Variants in LRP6 observed in about 807,000 individuals in gnomAD.
The protein encoded by LRP6 is low-density lipoprotein receptor-related protein 6.
A neutral mutation model predicts 184.1 loss-of-function variants in LRP6; 43 were observed. The ratio of observed to expected loss-of-function variants is 0.23; its 90% confidence interval spans 0.18 to 0.30. The LOEUF (loss-of-function observed/expected upper bound fraction) is 0.30, where lower values mean the gene tolerates loss of function less well. LRP6 is among the 10% of genes least tolerant of loss of function. The pLI is 1.00. For synonymous variants in LRP6, 719 were observed against 684.9 expected (o/e 1.05, Z -0.78); for missense variants, 1,571 against 2,005.3 (o/e 0.78, Z 4.14).
At chr12:12,191,462 C>T (rs906175819) in intron 3 of LRP6, among the ~76,000 whole-genome samples, 1 of 152,182 alleles carries the variant, frequency 6.6e-6, no homozygotes, top group African/African-American at 2.4e-5. Context: ...AACTTATGAA[C>T]TCTGCCTTCT....
intron 6 of LRP6, 79 bp from the exon 7 acceptor site, chr12:12,180,060 C>A (rs1863304670): frequency 1.7e-6 from 2 of 1,162,484 alleles, no homozygotes; most frequent in African/African-American, 1.5e-5. Context: ...GAGATCCATC[C>A]CTCCTATTAC....
intron 2 of LRP6, among the ~76,000 whole-genome samples, chr12:12,211,510 C>T (rs191304483): frequency 2.8e-4 from 42 of 152,284 alleles, no homozygotes; most frequent in Admixed American, 2.4e-3. Flanking sequence ...AGTTCAAATA[C>T]GGACGAACTG....
intron 5 of LRP6, 73 bp from the exon 6 acceptor site, chr12:12,181,512 C>A: frequency 1.2e-6 from 1 of 811,942 alleles, no homozygotes; most frequent in South Asian, 1.4e-5. Context: ...GATAAAGAAT[C>A]AAGAACTGAA....
Position 12,179,925 on chromosome 12 carries a change from T to C in LRP6, c.1430A>G (p.Asp477Gly), listed in dbSNP as rs1289994182. The change falls in exon 7 of 23, where the codon GAT becomes GGT. Residue 477 changes from aspartate (D) to glycine (G), a missense_variant. This residue lies in a region of LRP6 where 640 missense variants were observed against 851.9 expected (regional missense o/e 0.75). Transcript: ENST00000261349. ...EIPKIERAALDGSDRVVLVNT... is the reference protein window; with the variant it reads ...EIPKIERAALGGSDRVVLVNT... ...AACCAATACTACACGGTCAGAACCA[T>C]CCAGAGCTGCTCGCTCAATTTTCGG... 6.2e-7 allele frequency: 1 copy of C among 1,613,818 alleles called. No individual in the cohort carries two copies. Among genetic ancestry groups the C allele is most frequent in the East Asian group, 2.2e-5 (1 of 44,882 alleles).
chr12:12,144,726 T>G (rs1392346092), intron 15 of LRP6, among the ~76,000 whole-genome samples: 1 of 144,680 alleles, frequency 6.9e-6, no homozygotes, highest in Non-Finnish European at 1.5e-5. Context: ...TGGAATACTA[T>G]GCAACCATAA....
chr12:12,137,418 T>C (rs1310939601), intron 16 of LRP6, among the ~76,000 whole-genome samples: 3 of 151,922 alleles, frequency 2.0e-5, no homozygotes, highest in Non-Finnish European at 4.4e-5. Context: ...AATAAGAAAA[T>C]ATTTCTGGCT....
chr12:12,231,155 T>C (rs1270981282), intron 2 of LRP6, among the ~76,000 whole-genome samples: 2 of 114,576 alleles, frequency 1.7e-5, no homozygotes, highest in Non-Finnish European at 3.2e-5. Context: ...CACTCTAGCC[T>C]GGATGACAGA....
chr12:12,180,691 T>C (rs886419169), intron 6 of LRP6, among the ~76,000 whole-genome samples: 4 of 152,142 alleles, frequency 2.6e-5, no homozygotes, highest in African/African-American at 9.7e-5. Context: ...TACTATAAAG[T>C]ACTGAAAATG....
At chr12:12,252,614 A>G (rs1298737161) in intron 1 of LRP6, among the ~76,000 whole-genome samples, 1 of 152,210 alleles carries the variant, frequency 6.6e-6, no homozygotes, top group African/African-American at 2.4e-5. Flanking sequence ...ATTAGACAAC[A>G]GTATAATGTC....
At chr12:12,198,650 C>T (rs969637311) in intron 3 of LRP6, among the ~76,000 whole-genome samples, 7 of 150,728 alleles carry the variant, frequency 4.6e-5, no homozygotes, top group African/African-American at 1.7e-4. Context: ...TCTACTGCCT[C>T]AGCCTCCCGA....
intron 1 of LRP6, among the ~76,000 whole-genome samples, chr12:12,264,530 CAGA>C (rs1029528428): frequency 1.2e-4 from 19 of 152,178 alleles, no homozygotes; most frequent in African/African-American, 4.6e-4. Context: ...GGCTACAGGA[CAGA>C]AGGTCTCCCA....
At chr12:12,198,401 TTCC>T (rs1405638587) in intron 3 of LRP6, among the ~76,000 whole-genome samples, 1 of 152,126 alleles carries the variant, frequency 6.6e-6, no homozygotes, top group Non-Finnish European at 1.5e-5. Context: ...CTTTAAATTT[TTCC>T]TCCTTTTCAA....
At chr12:12,170,102 A>G (rs976881851) in intron 7 of LRP6, among the ~76,000 whole-genome samples, 11 of 152,200 alleles carry the variant, frequency 7.2e-5, no homozygotes, top group Non-Finnish European at 1.5e-4. Flanking sequence ...TGGGAGTCCA[A>G]GGCGGGTGGA....
chr12:12,176,405 C>A (rs1863184235), intron 7 of LRP6, among the ~76,000 whole-genome samples: 1 of 152,162 alleles, frequency 6.6e-6, no homozygotes, highest in South Asian at 2.1e-4. Context: ...ATATGTTATT[C>A]TATTAAAGCA....
chr12:12,199,381 A>T (rs541992069), intron 3 of LRP6, among the ~76,000 whole-genome samples: 1 of 152,338 alleles, frequency 6.6e-6, no homozygotes, highest in African/African-American at 2.4e-5. Context: ...GTGAAAAAAA[A>T]GGTAAGATAG....
intron 2 of LRP6, 28 bp downstream of exon 2, chr12:12,244,234 G>C: frequency 1.2e-6 from 2 of 1,613,050 alleles, no homozygotes; most frequent in Non-Finnish European, 1.7e-6. Context: ...GAGGTATGAT[G>C]ATCTTCGTAC....
rs750434597 is a variant in LRP6 at position 12,130,858 on chromosome 12, C to A, written c.4006G>T (p.Gly1336Cys). 1 of 1,612,292 alleles carries A rather than the reference C, an allele frequency of 6.2e-7. No individual in the cohort carries two copies. Among genetic ancestry groups the A allele is most frequent in the Admixed American group, 1.7e-5 (1 of 60,006 alleles). The change falls in exon 19 of 23, where the codon GGT becomes TGT. Residue 1336 changes from glycine (G) to cysteine (C), a missense_variant. Physicochemically the swap from Gly to Cys is radical, Grantham distance 159. This residue lies in a region of LRP6 where 763 missense variants were observed against 859.5 expected (regional missense o/e 0.89). Coordinates refer to ENST00000261349, the MANE Select transcript of LRP6 (RefSeq NM_002336.3). ...TTCTTGTGCTTTCCAATGCACTGACCATTGGCACAGCGGAACTGATCAATT... is the reference window on the plus strand; with the variant it reads ...TTCTTGTGCTTTCCAATGCACTGACAATTGGCACAGCGGAACTGATCAATT... ...CLIDQFRCAN[G>C]QCIGKHKKCD...
chr12:12,255,433 A>G (rs1359592920), intron 1 of LRP6, among the ~76,000 whole-genome samples: 3 of 151,658 alleles, frequency 2.0e-5, no homozygotes, highest in African/African-American at 7.3e-5. Context: ...AAAAAAAAAA[A>G]AGCCTTTTTC....
chr12:12,186,851 C>T, intron 4 of LRP6, 72 bp downstream of exon 4: 3 of 1,311,778 alleles, frequency 2.3e-6, no homozygotes, highest in Non-Finnish European at 3.3e-6. Context: ...CCTCCTGATC[C>T]TCACTAAAGC....
Sources: gnomAD v4.1 joint callset for allele counts (sites outside exome capture counted in the v4.1 genomes callset) on GRCh38, gnomAD v4.1.1 for gene constraint, gnomAD v4.1.1 regional missense constraint, MANE v1.5 for transcripts, NCBI Gene and HGNC (gene_info 2026-07-23, HGNC 2026-07-21) for gene names.